The following F9 variants were observed in gnomAD, a reference collection of about 807,000 sequenced individuals.
F9 encodes Christmas factor.
In F9, 2 loss-of-function variants were observed where a neutral mutation model predicts 34.1. That is an observed-to-expected ratio of 0.06 (90% CI 0.02 to 0.18). The LOEUF is 0.18. F9 is among the 10% of genes least tolerant of loss of function. The pLI is 1.00. For synonymous variants in F9, 137 were observed against 118.8 expected, an observed-to-expected ratio of 1.15 and a Z score of -1.00; for missense variants, 216 against 345.1, an observed-to-expected ratio of 0.63 and a Z score of 2.96.
chrX:139,537,644 A>G (rs764607711), intron 3 of F9, among the ~76,000 whole-genome samples: 11 of 111,531 alleles, frequency 9.9e-5, no homozygotes, highest in Non-Finnish European at 1.9e-4. Context: ...GAAGGAAGAA[A>G]CTGAAATGAT....
intron 1 of F9, among the ~76,000 whole-genome samples, chrX:139,534,886 A>G (rs1927420884): frequency 9.0e-6 from 1 of 111,551 alleles, no homozygotes; most frequent in African/African-American, 3.3e-5. Flanking sequence ...GTGAGGCATC[A>G]ATATGTGGTG....
chrX:139,534,753 G>A (rs191379636), intron 1 of F9, among the ~76,000 whole-genome samples: 2 of 111,553 alleles, frequency 1.8e-5, no homozygotes, highest in Non-Finnish European at 3.8e-5. Context: ...TTTGCAGGGG[G>A]TCTTGCCACC....
chrX:139,554,510 A>T (rs1228182712), intron 6 of F9, among the ~76,000 whole-genome samples: 2 of 112,312 alleles, frequency 1.8e-5, no homozygotes, highest in Non-Finnish European at 3.8e-5. Flanking sequence ...AGATAAATTG[A>T]GTGTATAAAA....
chrX:139,551,012 A>G (rs371896578), intron 5 of F9, 50 bp from the exon 6 acceptor site: 1 of 1,112,087 alleles, frequency 9.0e-7, no homozygotes, highest in African/African-American at 1.8e-5. Flanking sequence ...TACATGTTCC[A>G]TTTGCCAATG....
chrX:139,558,639 C>A (rs1024469582), intron 6 of F9, among the ~76,000 whole-genome samples: 6 of 112,411 alleles, frequency 5.3e-5, no homozygotes, highest in Non-Finnish European at 1.1e-4. Flanking sequence ...GAACAAGGGG[C>A]CCCACATTTT....
intron 6 of F9, 139 bp downstream of exon 6, chrX:139,551,403 G>T: frequency 1.8e-6 from 1 of 556,445 alleles, no homozygotes; most frequent in South Asian, 2.5e-5. Flanking sequence ...TAACCAATGT[G>T]AGAAGGCCTC....
At chrX:139,545,140 G>A (rs1389053983) in intron 4 of F9, 1 of 111,919 alleles carries the variant, frequency 8.9e-6, no homozygotes, top group Non-Finnish European at 1.9e-5. Context: ...TGAAGGTGGT[G>A]CATAGGAGGT....
intron 6 of F9, among the ~76,000 whole-genome samples, chrX:139,553,748 G>A (rs1984878): frequency 2.1e-3 from 215 of 100,667 alleles, no homozygotes; most frequent in African/African-American, 7.5e-3. Context: ...GGGAGGCGGA[G>A]CTGGCAGTGA....
intron 6 of F9, among the ~76,000 whole-genome samples, chrX:139,555,476 C>A (rs1420895284): frequency 8.9e-6 from 1 of 112,987 alleles, no homozygotes; most frequent in Non-Finnish European, 1.9e-5. Flanking sequence ...GGTTCCGGAA[C>A]GGCGCTGCCG....
At chrX:139,539,446 A>G (rs1175510579) in intron 3 of F9, among the ~76,000 whole-genome samples, 3 of 112,149 alleles carry the variant, frequency 2.7e-5, no homozygotes, top group Non-Finnish European at 3.8e-5. Flanking sequence ...GGAATCTCTC[A>G]CTTGGTAAGA....
At chrX:139,560,111 A>T (rs1327151982) in intron 6 of F9, among the ~76,000 whole-genome samples, 1 of 111,987 alleles carries the variant, frequency 8.9e-6, no homozygotes, top group African/African-American at 3.2e-5. Context: ...GCAGCTTACT[A>T]TCCAGCCAGA....
chrX:139,561,423 T>G (rs1327058036), intron 7 of F9, 101 bp from the exon 8 acceptor site: 5 of 739,468 alleles, frequency 6.8e-6, no homozygotes, highest in Non-Finnish European at 1.0e-5. Context: ...GAATGAGATC[T>G]TTAACATTGC....
At chrX:139,560,998 T>A in intron 7 of F9, 143 bp downstream of exon 7, 1 of 514,244 alleles carries the variant, frequency 1.9e-6, no homozygotes, top group Non-Finnish European at 3.4e-6. Flanking sequence ...AGAACCCACG[T>A]CGCACCGTCC....
chrX:139,535,947 G>C (rs1927449483), intron 1 of F9, among the ~76,000 whole-genome samples: 1 of 109,954 alleles, frequency 9.1e-6, no homozygotes, highest in Non-Finnish European at 1.9e-5. Flanking sequence ...CTGCAAACCT[G>C]TACAGCATGT....
chrX:139,537,440 T>C (rs764166138), intron 3 of F9, 54 bp downstream of exon 3: 2 of 1,025,551 alleles, frequency 2.0e-6, no homozygotes, highest in Admixed American at 2.2e-5. Context: ...GAGAATTATG[T>C]GGGTTTTTTC....
chrX:139,559,943 T>C (rs1928060251), intron 6 of F9, among the ~76,000 whole-genome samples: 1 of 112,403 alleles, frequency 8.9e-6, no homozygotes, highest in Non-Finnish European at 1.9e-5. Context: ...GACATTGAGA[T>C]GGAGAAAATA....
chrX:139,560,561 CTTTT>C (rs1218309111), intron 6 of F9, among the ~76,000 whole-genome samples, 176 bp from the exon 7 acceptor site: 3 of 112,423 alleles, frequency 2.7e-5, no homozygotes, highest in Non-Finnish European at 5.6e-5. Flanking sequence ...ACATAAATGG[CTTTT>C]TTGTTTATGC....
intron 1 of F9, among the ~76,000 whole-genome samples, chrX:139,531,392 C>T (rs1447876929): frequency 8.9e-6 from 1 of 111,854 alleles, no homozygotes; most frequent in East Asian, 2.8e-4. Context: ...TTAGTTAAAA[C>T]ATAAAGATTA....
chrX:139,548,657 T>C (rs917396963), intron 5 of F9, among the ~76,000 whole-genome samples, 166 bp downstream of exon 5: 2 of 112,048 alleles, frequency 1.8e-5, no homozygotes, highest in Admixed American at 1.9e-4. Context: ...TGCATCATAT[T>C]TTAAATATAA....
Sources: gnomAD v4.1 joint callset for allele counts (sites outside exome capture counted in the v4.1 genomes callset) on GRCh38, gnomAD v4.1.1 for gene constraint, MANE v1.5 for transcripts, NCBI Gene and HGNC (gene_info 2026-07-23, HGNC 2026-07-21) for gene names.